ROBO2: variants seen among roughly 807,000 people sequenced by gnomAD.
ROBO2 encodes roundabout guidance receptor 2.
Under a neutral mutation model 160.8 loss-of-function variants are expected in ROBO2, and 53 were observed. That is an observed-to-expected ratio of 0.33 (90% CI 0.26 to 0.41). ROBO2 has a LOEUF of 0.41. Among genes scored for constraint, ROBO2 ranks in the 10% least tolerant of loss-of-function variants. The pLI is 1.00. For synonymous variants in ROBO2, 664 were observed against 611.7 expected (o/e 1.09, Z -1.26); for missense variants, 1,577 against 1,722.4 (o/e 0.92, Z 1.49).
chr3:77,399,907 A>T (rs955542780), intron 2 of ROBO2, among the ~76,000 whole-genome samples: 1 of 152,136 alleles, frequency 6.6e-6, no homozygotes, highest in Non-Finnish European at 1.5e-5. Context: ...ATTCCACTGA[A>T]ACCCATCAGC....
intron 2 of ROBO2, among the ~76,000 whole-genome samples, chr3:77,236,734 G>A (rs546010548): frequency 1.0e-3 from 159 of 152,274 alleles, no homozygotes; most frequent in African/African-American, 3.6e-3. Context: ...GAAAACCACT[G>A]ATCTTTTTTA....
At chr3:76,430,088 G>C (rs1490993442) in intron 2 of ROBO2, among the ~76,000 whole-genome samples, 1 of 152,128 alleles carries the variant, frequency 6.6e-6, no homozygotes, top group African/African-American at 2.4e-5. Context: ...TCTCTTCCTA[G>C]TTAATTACAG....
chr3:76,283,134 C>CTATATATATATATATATA (rs1708322176), intron 2 of ROBO2, among the ~76,000 whole-genome samples: 2 of 7,182 alleles, frequency 2.8e-4, no homozygotes, highest in African/African-American at 4.3e-4. Flanking sequence ...ATATATAAAA[C>CTATATATATATATATATA]TGTATATATA....
intron 2 of ROBO2, among the ~76,000 whole-genome samples, chr3:76,419,161 A>G (rs2075882905): frequency 6.6e-6 from 1 of 152,170 alleles, no homozygotes; most frequent in African/African-American, 2.4e-5. Flanking sequence ...TAAAATGGAA[A>G]AATACGTGTC....
chr3:76,586,351 A>G (rs1247963177), intron 2 of ROBO2, among the ~76,000 whole-genome samples: 1 of 152,164 alleles, frequency 6.6e-6, no homozygotes, highest in Non-Finnish European at 1.5e-5. Context: ...ATTTAAACAG[A>G]TATGCCACCT....
chr3:77,617,309 A>G (rs936198475), intron 21 of ROBO2, among the ~76,000 whole-genome samples: 1 of 152,230 alleles, frequency 6.6e-6, no homozygotes, highest in African/African-American at 2.4e-5. Context: ...AAATTGAGAT[A>G]TTGAGATAAC....
At chr3:76,847,608 A>G (rs1051993071) in intron 2 of ROBO2, among the ~76,000 whole-genome samples, 13 of 152,200 alleles carry the variant, frequency 8.5e-5, no homozygotes, top group African/African-American at 2.7e-4. Flanking sequence ...AGTCCTTGTC[A>G]GCTAAGAGAG....
intron 9 of ROBO2, among the ~76,000 whole-genome samples, chr3:77,559,437 C>A (rs1331095082): frequency 6.6e-6 from 1 of 151,974 alleles, no homozygotes; most frequent in African/African-American, 2.4e-5. Context: ...TTAGTAATCA[C>A]AAGATTGGGG....
intron 7 of ROBO2, among the ~76,000 whole-genome samples, chr3:77,547,271 T>G (rs1314541815): frequency 6.6e-6 from 1 of 152,072 alleles, no homozygotes; most frequent in Non-Finnish European, 1.5e-5. Flanking sequence ...GCAAAATAAT[T>G]TATCTGTGCA....
At chr3:77,232,635 C>T (rs1318950264) in intron 2 of ROBO2, among the ~76,000 whole-genome samples, 1 of 152,080 alleles carries the variant, frequency 6.6e-6, no homozygotes, top group Non-Finnish European at 1.5e-5. Context: ...GGAGGCATTA[C>T]CTGTGCAGAA....
At chr3:76,829,840 G>A (rs986504969) in intron 2 of ROBO2, among the ~76,000 whole-genome samples, 1 of 152,056 alleles carries the variant, frequency 6.6e-6, no homozygotes, top group Middle Eastern at 3.4e-3. Context: ...GGCTAATTTT[G>A]TATTTTTAGT....
chr3:77,629,609 A>G (rs1337388087), intron 23 of ROBO2: 1 of 152,218 alleles, frequency 6.6e-6, no homozygotes, highest in Admixed American at 6.5e-5. Context: ...CTAAATATCA[A>G]TATTCAAGTA....
intron 2 of ROBO2, among the ~76,000 whole-genome samples, chr3:76,834,211 T>C (rs2067457696): frequency 6.8e-6 from 1 of 146,178 alleles, no homozygotes. Flanking sequence ...CTTTCTTTCT[T>C]GTTTTTTTCT....
chr3:77,180,904 T>A (rs560232395), intron 2 of ROBO2, among the ~76,000 whole-genome samples: 1 of 152,098 alleles, frequency 6.6e-6, no homozygotes, highest in Admixed American at 6.6e-5. Flanking sequence ...ATACTGACCA[T>A]TAGAGAACTC....
At chr3:77,624,320 AGTGT>A (rs1033487175) in intron 23 of ROBO2, among the ~76,000 whole-genome samples, 1 of 151,974 alleles carries the variant, frequency 6.6e-6, no homozygotes, top group Non-Finnish European at 1.5e-5. Context: ...AGTGCTTATA[AGTGT>A]GTGTGTGAGA....
chr3:77,096,647 A>G (rs7649763), intron 1 of ROBO2, among the ~76,000 whole-genome samples: 55,053 of 151,600 alleles, frequency 0.36, 12,109 homozygotes, highest in African/African-American at 0.6. Flanking sequence ...ATGAGGTTTC[A>G]CCATGTTGGG....
chr3:76,069,317 A>C (rs144924265), intron 2 of ROBO2, among the ~76,000 whole-genome samples: 1 of 150,750 alleles, frequency 6.6e-6, no homozygotes, highest in Non-Finnish European at 1.5e-5. Context: ...ACCAAACTCT[A>C]TGAAGTTATC....
At chr3:76,169,484 C>A (rs2072956943) in intron 2 of ROBO2, among the ~76,000 whole-genome samples, 1 of 152,078 alleles carries the variant, frequency 6.6e-6, no homozygotes, top group South Asian at 2.1e-4. Context: ...TAGTTCCTTG[C>A]CTAATGTAAG....
intron 1 of ROBO2, among the ~76,000 whole-genome samples, chr3:77,076,462 C>T (rs932712451): frequency 1.3e-5 from 2 of 151,672 alleles, no homozygotes; most frequent in African/African-American, 2.4e-5. Context: ...TGTTTTTAAG[C>T]GATATTCTAA....
Sources: allele counts gnomAD v4.1 joint callset (sites outside exome capture counted in the v4.1 genomes callset), GRCh38; gene constraint gnomAD v4.1.1; transcripts MANE v1.5; gene names NCBI Gene and HGNC (gene_info 2026-07-23, HGNC 2026-07-21).